The following BANP variants were observed in gnomAD, a reference collection of about 807,000 sequenced individuals.
BANP encodes BTG3 associated nuclear protein, also known as protein BANP.
Under a neutral mutation model 68.1 loss-of-function variants are expected in BANP, and 11 were observed. The ratio of observed to expected loss-of-function variants is 0.16; its 90% CI spans 0.10 to 0.27. The LOEUF is 0.27. Among genes scored for constraint, BANP ranks in the 10% least tolerant of loss-of-function variants. BANP has a pLI of 1.00. For synonymous variants in BANP, 329 were observed against 303.2 expected, an observed-to-expected ratio of 1.09 and a Z score of -0.88; for missense variants, 504 against 722.7, an observed-to-expected ratio of 0.70 and a Z score of 3.47.
intron 1 of BANP, chr16:87,970,074 A>G (rs1210570729): frequency 1.3e-5 from 2 of 151,974 alleles, no homozygotes; most frequent in South Asian, 2.1e-4. Context: ...TACCCTGCTA[A>G]TTTTCGTATT....
In BANP at chr16:88,036,981, G is replaced by A. The variant is rs1232245117; in HGVS notation, c.1273-992G>A. 2.0e-5 allele frequency among the ~76,000 whole-genome samples: 3 copies of A among 152,204 alleles called. No homozygotes were observed. The highest frequency in any genetic ancestry group is 7.2e-5 in the African/African-American group (3 of 41,456). ...ACCTTCCAGTGCAGGAGCTGCCTTTGAGGGGCAGGGGAAGGTTTGCTTCTC... is the reference window on the plus strand; with the variant it reads ...ACCTTCCAGTGCAGGAGCTGCCTTTAAGGGGCAGGGGAAGGTTTGCTTCTC... On this transcript the variant is annotated intron_variant, in intron 10 of 13. Coordinates refer to ENST00000682872, the MANE Select transcript of BANP (RefSeq NM_001386991.1). The surrounding 1 kb of genome is among the most constrained non-coding windows in gnomAD (Gnocchi z 4.2).
At chr16:87,950,347 G>A (rs1017862989), upstream of BANP, 2 of 152,192 alleles carry the variant, frequency 1.3e-5, no homozygotes, top group Admixed American at 6.5e-5. Flanking sequence ...TGACATTTCT[G>A]GGAACTGCGC....
chr16:88,025,736 G>C (rs1176048269), intron 7 of BANP, among the ~76,000 whole-genome samples: 2 of 152,136 alleles, frequency 1.3e-5, no homozygotes, highest in Non-Finnish European at 2.9e-5. Context: ...TTCTTCCTCT[G>C]TTTTAATTAT....
intron 2 of BANP, chr16:87,978,323 T>C (rs961536773): frequency 1.7e-5 from 4 of 232,882 alleles, no homozygotes; most frequent in African/African-American, 9.0e-5. Context: ...TCTGCTGTTA[T>C]GACGAAACTA....
chr16:87,988,936 C>T (rs1401830693), intron 4 of BANP, among the ~76,000 whole-genome samples: 7 of 152,224 alleles, frequency 4.6e-5, no homozygotes, highest in African/African-American at 1.7e-4. Context: ...GGTTCTTTCT[C>T]ATTAAAACTG....
At chr16:88,026,023 G>A (rs1211147650) in intron 7 of BANP, among the ~76,000 whole-genome samples, 1 of 152,236 alleles carries the variant, frequency 6.6e-6, no homozygotes, top group African/African-American at 2.4e-5. Flanking sequence ...CGGGCGTGCA[G>A]TGGGGCGCTG....
chr16:87,999,415 C>T (rs532903763), intron 4 of BANP, among the ~76,000 whole-genome samples: 1 of 102,306 alleles, frequency 9.8e-6, no homozygotes, highest in East Asian at 3.3e-4. Context: ...CCTGTCCTTC[C>T]AGACACCCAG....
At chr16:87,997,713 C>T (rs1182490394) in intron 4 of BANP, among the ~76,000 whole-genome samples, 3 of 149,282 alleles carry the variant, frequency 2.0e-5, no homozygotes, top group African/African-American at 7.5e-5. Flanking sequence ...GCCAGGATAG[C>T]TGGGTGAGAC....
chr16:88,005,095 TC>T, intron 5 of BANP, among the ~76,000 whole-genome samples: 1 of 152,336 alleles, frequency 6.6e-6, no homozygotes, highest in Admixed American at 6.5e-5. Flanking sequence ...TCCAGCTTCG[TC>T]CCCTTTCTGT....
chr16:88,047,679 C>G (rs1172844038), intron 11 of BANP, among the ~76,000 whole-genome samples: 1 of 152,148 alleles, frequency 6.6e-6, no homozygotes, highest in African/African-American at 2.4e-5. Flanking sequence ...TAGTGTACTC[C>G]TAATAGTCAC....
intron 13 of BANP, among the ~76,000 whole-genome samples, chr16:88,073,802 G>A (rs933232104): frequency 1.9e-4 from 29 of 152,222 alleles, no homozygotes; most frequent in African/African-American, 5.5e-4. Flanking sequence ...GTCATTTTCC[G>A]ATTTCAGAAT....
chr16:88,009,061 G>A (rs1003234052), intron 6 of BANP, among the ~76,000 whole-genome samples: 9 of 152,198 alleles, frequency 5.9e-5, no homozygotes, highest in Admixed American at 3.3e-4. Context: ...TGCTGTGTAT[G>A]TAAATGTTGG....
chr16:87,996,344 C>T (rs1343877011), intron 4 of BANP, among the ~76,000 whole-genome samples: 1 of 152,248 alleles, frequency 6.6e-6, no homozygotes, highest in Non-Finnish European at 1.5e-5. Flanking sequence ...TTCTCGGGTT[C>T]TGCTCACTGG....
intron 7 of BANP, among the ~76,000 whole-genome samples, chr16:88,024,900 T>G (rs189673144): frequency 6.6e-6 from 1 of 152,362 alleles, no homozygotes; most frequent in African/African-American, 2.4e-5. Context: ...TGAATTTAAA[T>G]GTGAATGTTT....
intron 11 of BANP, among the ~76,000 whole-genome samples, chr16:88,042,399 G>A (rs2081049101): frequency 6.6e-6 from 1 of 152,228 alleles, no homozygotes; most frequent in Non-Finnish European, 1.5e-5. Flanking sequence ...CTCCCCTCCA[G>A]GAGCGCTCAC....
chr16:87,976,407 C>G (rs2062129393), intron 2 of BANP, among the ~76,000 whole-genome samples: 1 of 151,538 alleles, frequency 6.6e-6, no homozygotes, highest in South Asian at 2.1e-4. Flanking sequence ...GAAATGAAAC[C>G]CTAAATTTCA....
At chr16:88,062,553 CCTGTCCCCAACCA>C (rs1459049360) in intron 11 of BANP, among the ~76,000 whole-genome samples, 13 of 152,310 alleles carry the variant, frequency 8.5e-5, no homozygotes, top group East Asian at 5.8e-4. Context: ...TGTCTCCAGC[CCTGTCCCCAACCA>C]CTGTCCCCAA....
chr16:87,971,323 C>T (rs751072241), intron 1 of BANP, among the ~76,000 whole-genome samples: 7 of 152,314 alleles, frequency 4.6e-5, no homozygotes, highest in African/African-American at 9.6e-5. Context: ...TTCCCAATGC[C>T]TCTCCAGTGG....
chr16:88,032,870 TAGC>T (rs2078496566), intron 8 of BANP, among the ~76,000 whole-genome samples: 1 of 152,242 alleles, frequency 6.6e-6, no homozygotes, highest in Non-Finnish European at 1.5e-5. Context: ...GGTTTTGTCA[TAGC>T]AGCATCACGC....
Sources: allele counts gnomAD v4.1 joint callset (sites outside exome capture counted in the v4.1 genomes callset), GRCh38; gene constraint gnomAD v4.1.1; non-coding constraint Gnocchi (gnomAD v3.1); transcripts MANE v1.5; gene names NCBI Gene and HGNC (gene_info 2026-07-23, HGNC 2026-07-21).